Variants in TRIM33 observed in about 807,000 individuals in gnomAD.
TRIM33 encodes E3 ubiquitin-protein ligase TRIM33.
Under a neutral mutation model 125.4 loss-of-function variants are expected in TRIM33, and 20 were observed. That is an observed-to-expected ratio of 0.16 (90% CI 0.11 to 0.23). The LOEUF is 0.23. Ranked by LOEUF, TRIM33 falls within the 10% of genes least tolerant of loss-of-function variation. The probability of loss-of-function intolerance (pLI) is 1.00; values close to 1 mark genes in which losing one functional copy is unlikely to be tolerated. For synonymous variants in TRIM33, 564 were observed against 513.9 expected (o/e 1.10, Z -1.32); for missense variants, 920 against 1,411.4 (o/e 0.65, Z 5.58).
chr1:114,402,800 T>C lies in TRIM33; in HGVS notation c.2852A>G (p.Lys951Arg). The change falls in exon 16 of 20, where the codon AAG becomes AGG. Residue 951 changes from lysine to arginine, a missense_variant. Around this residue, in one of 8 missense-constraint regions of TRIM33, gnomAD observed 122 missense variants for 236.8 expected, o/e 0.52. Transcript: ENST00000358465. ...GCTTAACCCCTGCGCAGTTTTCCCC[T>C]TCTTACTATGTTGCAAATTATCACA... is the stretch of plus-strand genomic sequence containing the variant. ...YDCDNLQHSKKGKTAQGLSPV... is the reference protein window; with the variant it reads ...YDCDNLQHSKRGKTAQGLSPV... 6.2e-7 allele frequency: 1 copy of C among 1,614,156 alleles called. No homozygotes were observed. The highest frequency in any genetic ancestry group is 8.5e-7 in the Non-Finnish European group (1 of 1,180,028).
At chr1:114,470,908 C>T (rs1650599359) in intron 1 of TRIM33, among the ~76,000 whole-genome samples, 1 of 152,180 alleles carries the variant, frequency 6.6e-6, no homozygotes, top group South Asian at 2.1e-4. Context: ...TCAAGTGATT[C>T]CTACCTCAGC....
Position 114,395,687 on chromosome 1 carries a change from T to C in TRIM33, c.*1961A>G, listed in dbSNP as rs550638226. On this transcript the variant is annotated 3_prime_UTR_variant, in exon 20 of 20. Coordinates refer to ENST00000358465, the MANE Select transcript of TRIM33 (RefSeq NM_015906.4). Reference sequence around the variant, plus strand: ...TTTTCTCCCTCTTATTAAAAAACATTTTTAGGAATTTAAAATTTGAGTAAA... The same window carrying C: ...TTTTCTCCCTCTTATTAAAAAACATCTTTAGGAATTTAAAATTTGAGTAAA... 1 of 192,196 alleles carries C rather than the reference T, an allele frequency of 5.2e-6. No individual in the cohort carries two copies. The highest frequency in any genetic ancestry group is 1.1e-5 in the Non-Finnish European group (1 of 91,942). The allele number at this position is 192,196 out of a possible 1,614,324, so 11.9% of individuals were successfully genotyped here.
intron 17 of TRIM33, 73 bp downstream of exon 17, chr1:114,401,316 G>T (rs1195989247): frequency 2.4e-6 from 3 of 1,273,540 alleles, no homozygotes; most frequent in Non-Finnish European, 3.3e-6. Context: ...GAGCCACCGC[G>T]CCCGGCCGCC....
At position 114,463,506 on chromosome 1, in the gene TRIM33, T is replaced by G. The variant is rs1463783086; in HGVS notation, c.696A>C (p.Glu232Asp). Residue 232 changes from glutamate to aspartate, a missense_variant, in exon 3 of 20, where the codon GAA (glutamate) becomes GAC (aspartate). By Grantham distance (45) the Glu-to-Asp change is conservative. Transcript: ENST00000358465. ...ATGTCTTACATAGCCACTCTCCACA[T>G]TCTACACAAAAGCCAACTGCACTTG... ...DNASAVGFCV[E>D]CGEWLCKTCI... 6.2e-7 allele frequency: 1 copy of G among 1,612,174 alleles called. No homozygotes were observed. The highest frequency in any genetic ancestry group is 1.1e-5 in the South Asian group (1 of 90,992).
At chr1:114,406,031 G>A (rs1652209803) in intron 14 of TRIM33, among the ~76,000 whole-genome samples, 1 of 152,144 alleles carries the variant, frequency 6.6e-6, no homozygotes, top group Non-Finnish European at 1.5e-5. Flanking sequence ...TGGGAAGTGA[G>A]CATAGGGTTA....
chr1:114,408,089 A>AT (rs1487081930), intron 13 of TRIM33, among the ~76,000 whole-genome samples: 2 of 152,216 alleles, frequency 1.3e-5, no homozygotes, highest in Non-Finnish European at 2.9e-5. Flanking sequence ...CTTCCCCCAA[A>AT]TCAAACCTAA....
At chr1:114,421,684 G>A in intron 10 of TRIM33, 48 bp from the exon 11 acceptor site, 2 of 1,566,496 alleles carry the variant, frequency 1.3e-6, no homozygotes, top group Non-Finnish European at 1.8e-6. Context: ...CAGAATCGCT[G>A]AATATAAACT....
intron 1 of TRIM33, among the ~76,000 whole-genome samples, chr1:114,488,499 C>CA (rs1327313392): frequency 6.6e-6 from 1 of 152,182 alleles, no homozygotes; most frequent in Non-Finnish European, 1.5e-5. Context: ...CACAGTGGCT[C>CA]ACACCTGTAA....
intron 11 of TRIM33, chr1:114,420,521 T>C: frequency 1.3e-6 from 1 of 795,642 alleles, no homozygotes; most frequent in East Asian, 4.9e-5. Flanking sequence ...ATTATTGTAC[T>C]TCTGTTTAGA....
rs764959268 is a variant in TRIM33, at chr1:114,421,603, C to T, written c.1894G>A (p.Val632Ile). 21 of 1,613,990 alleles carry T rather than the reference C, an allele frequency of 1.3e-5. No individual in the cohort carries two copies. The highest frequency in any genetic ancestry group is 1.0e-4 in the Admixed American group (6 of 59,994). The part of the protein sequence containing the change: ...SNPGHAGPFP[V>I]VSVHNTTINP... ...ATTGTGGTGTTGTGTACCGATACTA[C>T]GGGAAAGGGTCCAGCATGCCCTGGG... Residue 632 changes from valine (V) to isoleucine (I), a missense_variant, in exon 11 of 20, where the codon GTA (valine) becomes ATA (isoleucine). Around this residue, in one of 8 missense-constraint regions of TRIM33, gnomAD observed 407 missense variants for 589.7 expected, o/e 0.69. Coordinates refer to ENST00000358465, the MANE Select transcript of TRIM33 (RefSeq NM_015906.4).
At chr1:114,463,799 C>T (rs550613196) in intron 2 of TRIM33, among the ~76,000 whole-genome samples, 9 of 139,214 alleles carry the variant, frequency 6.5e-5, no homozygotes, top group Non-Finnish European at 1.1e-4. Flanking sequence ...GACAGGCTCT[C>T]GCTCTGTCAC....
chr1:114,425,069 G>C (rs1014621038), intron 9 of TRIM33, among the ~76,000 whole-genome samples: 3 of 152,146 alleles, frequency 2.0e-5, no homozygotes, highest in Non-Finnish European at 4.4e-5. Context: ...GCAGTGGAGA[G>C]AGCAAAAGAC....
At chr1:114,423,865 T>C (rs1647370366) in intron 10 of TRIM33, among the ~76,000 whole-genome samples, 1 of 152,136 alleles carries the variant, frequency 6.6e-6, no homozygotes, top group Non-Finnish European at 1.5e-5. Context: ...GAAATTCTGA[T>C]TCAGTGGTTA....
chr1:114,465,740 G>C (rs936869473), intron 1 of TRIM33, among the ~76,000 whole-genome samples: 18 of 151,798 alleles, frequency 1.2e-4, no homozygotes, highest in Admixed American at 1.2e-3. Flanking sequence ...CAAAAACATG[G>C]TATAAAAATA....
intron 11 of TRIM33, among the ~76,000 whole-genome samples, chr1:114,416,800 G>T (rs1652967128): frequency 6.6e-6 from 1 of 152,164 alleles, no homozygotes; most frequent in African/African-American, 2.4e-5. Flanking sequence ...AGTAGAAAAA[G>T]AGTTAAAAAT....
At chr1:114,489,953 GGGTGCAGCACGTCAGGGCTGGCCAT>G (rs1651949663) in intron 1 of TRIM33, among the ~76,000 whole-genome samples, 1 of 151,316 alleles carries the variant, frequency 6.6e-6, no homozygotes, top group African/African-American at 2.4e-5. Flanking sequence ...TCAGATATAA[GGGTGCAGCACGTCAGGGCTGGCCAT>G]GGTGGCTCAC....
At chr1:114,417,637 C>T (rs1244084644) in intron 11 of TRIM33, among the ~76,000 whole-genome samples, 1 of 151,930 alleles carries the variant, frequency 6.6e-6, no homozygotes, top group Non-Finnish European at 1.5e-5. Context: ...CTTAAAACTC[C>T]AACTTTTCTT....
intron 6 of TRIM33, among the ~76,000 whole-genome samples, chr1:114,429,116 A>G (rs1322647966): frequency 6.6e-6 from 1 of 152,072 alleles, no homozygotes; most frequent in African/African-American, 2.4e-5. Context: ...GGAAAAACCT[A>G]TTAGGGTTAA....
chr1:114,467,868 C>A (rs370423701), intron 1 of TRIM33, among the ~76,000 whole-genome samples: 5 of 152,330 alleles, frequency 3.3e-5, no homozygotes, highest in African/African-American at 1.2e-4. Context: ...CTTTGGTCAT[C>A]AACACCACTC....
Sources: allele counts gnomAD v4.1 joint callset (sites outside exome capture counted in the v4.1 genomes callset), GRCh38; gene constraint gnomAD v4.1.1; regional missense constraint gnomAD v4.1.1; transcripts MANE v1.5; gene names NCBI Gene and HGNC (gene_info 2026-07-23, HGNC 2026-07-21).